The following ZCCHC4 variants were observed in gnomAD, a reference collection of about 807,000 sequenced individuals.
The protein encoded by ZCCHC4 is rRNA N(6)-adenosine-methyltransferase ZCCHC4.
A neutral mutation model predicts 67.7 loss-of-function variants in ZCCHC4; 54 were observed. That is an observed-to-expected ratio of 0.80 (90% CI 0.64 to 1.00). The LOEUF (loss-of-function observed/expected upper bound fraction) is 1.00, where lower values mean the gene tolerates loss of function less well. ZCCHC4 is among the 50% of genes least tolerant of loss of function. The pLI, the probability that ZCCHC4 is intolerant of heterozygous loss-of-function variation, is 0.00. For synonymous variants in ZCCHC4, 198 were observed against 213.5 expected (o/e 0.93, Z 0.63); for missense variants, 609 against 617.0 (o/e 0.99, Z 0.14).
chr4:25,329,348 G>A (rs1007278779), intron 3 of ZCCHC4, among the ~76,000 whole-genome samples: 1 of 151,638 alleles, frequency 6.6e-6, no homozygotes, highest in Non-Finnish European at 1.5e-5. Context: ...TTATTTTGAG[G>A]GCTTCATTTC....
chr4:25,326,161 G>A (rs1320191525), intron 3 of ZCCHC4, among the ~76,000 whole-genome samples: 1 of 152,234 alleles, frequency 6.6e-6, no homozygotes, highest in Admixed American at 6.5e-5. Context: ...TCTGAGAAGA[G>A]AATTTGTTTC....
chr4:25,360,055 A>G (rs777980511), intron 8 of ZCCHC4, among the ~76,000 whole-genome samples: 4 of 152,220 alleles, frequency 2.6e-5, no homozygotes, highest in Non-Finnish European at 5.9e-5. Context: ...ATCACTATAT[A>G]GTGGACTTGG....
Position 25,333,354 on chromosome 4 carries a change from G to C in ZCCHC4, c.501G>C (p.Lys167Asn). The change falls in exon 4 of 13, where the codon AAG becomes AAC. Residue 167 changes from lysine to asparagine, a missense_variant. Physicochemically the swap from Lys to Asn is moderately conservative, Grantham distance 94. Transcript: ENST00000302874. ...AACTCCTTTATCCACTGGAAAACAAGAAGACAAATGCCCAGTATCTGTTTG... is the reference window on the plus strand; with the variant it reads ...AACTCCTTTATCCACTGGAAAACAACAAGACAAATGCCCAGTATCTGTTTG... The part of the protein sequence containing the change: ...PSQLLYPLEN[K>N]KTNAQYLFAD... The C allele has an allele frequency of 6.2e-7, 1 of 1,614,124 alleles. No individual in the cohort carries two copies. The highest frequency in any genetic ancestry group is 8.5e-7 in the Non-Finnish European group (1 of 1,180,016).
intron 5 of ZCCHC4, among the ~76,000 whole-genome samples, chr4:25,344,356 G>T (rs372805778): frequency 6.7e-6 from 1 of 149,990 alleles, no homozygotes; most frequent in East Asian, 2.0e-4. Context: ...GTAAACTATC[G>T]CAAGGACAAA....
rs373917946 is a variant in ZCCHC4, at chr4:25,349,585, C to G, written c.853C>G (p.Pro285Ala). 4.5e-5 allele frequency: 72 copies of G among 1,613,860 alleles called. No homozygotes were observed. The highest frequency in any genetic ancestry group is 5.9e-5 in the Non-Finnish European group (70 of 1,179,916). ...TCCTCCGTTTGGTGGCTTGGTTGAA[C>G]CTCTGGCTATTACATTCAAGAAGTT... ...TDPPFGGLVE[P>A]LAITFKKLIA... Residue 285 changes from proline to alanine, a missense_variant, in exon 7 of 13, where the codon CCT becomes GCT. By Grantham distance (27) the Pro-to-Ala change is conservative. Transcript: ENST00000302874.
chr4:25,361,835 C>T, intron 8 of ZCCHC4, 24 bp from the exon 9 acceptor site: 3 of 1,577,414 alleles, frequency 1.9e-6, no homozygotes, highest in Non-Finnish European at 2.6e-6. Context: ...AATTTTCTTT[C>T]TGCTCTAATT....
intron 5 of ZCCHC4, among the ~76,000 whole-genome samples, chr4:25,338,201 C>T (rs1719558632): frequency 6.6e-6 from 1 of 152,204 alleles, no homozygotes; most frequent in South Asian, 2.1e-4. Context: ...AAGCGATCCT[C>T]CTACCTCAGT....
chr4:25,349,756 C>T lies in ZCCHC4; in HGVS notation c.910+114C>T, dbSNP rs542676709. 2.8e-4 allele frequency: 309 copies of T among 1,121,258 alleles called. No individual in the cohort carries two copies. In the African/African-American group the frequency reaches 4.6e-3, roughly 17 times the overall value. The allele number at this position is 1,121,258 out of a possible 1,614,324, so 69.5% of individuals were successfully genotyped here. A position where few individuals can be genotyped will look rare whatever the true frequency, so the allele number is the denominator to read the frequency against. ...ATAGAATATACATGTCTTGAGTTCT[C>T]TTTTTAAAAACAGGCTTATTTGATG... On this transcript the variant is annotated intron_variant, in intron 7 of 12. Coordinates refer to ENST00000302874, the MANE Select transcript of ZCCHC4 (RefSeq NM_024936.3).
At chr4:25,324,527 AT>A (rs1180644739) in intron 3 of ZCCHC4, among the ~76,000 whole-genome samples, 1 of 152,180 alleles carries the variant, frequency 6.6e-6, no homozygotes, top group Non-Finnish European at 1.5e-5. Context: ...ATTTATGTAT[AT>A]GTCCTTGTAT....
At chr4:25,324,014 G>GTTTTTTTTTGTTTTTTTTTTTT (rs1718724715) in intron 3 of ZCCHC4, among the ~76,000 whole-genome samples, 1 of 82,448 alleles carries the variant, frequency 1.2e-5, no homozygotes, top group African/African-American at 5.2e-5. Flanking sequence ...TGTTTTTTGT[G>GTTTTTTTTTGTTTTTTTTTTTT]TTTTTTTTTT....
rs3752871 is a variant in ZCCHC4 at position 25,362,317 on chromosome 4, A to G, written c.1209+16A>G. 2.5e-4 allele frequency: 374 copies of G among 1,519,044 alleles called. 7 individuals are homozygous for G. The East Asian group carries it at 8.3e-3, about 34-fold the overall frequency. The allele number at this position is 1,519,044 out of a possible 1,614,324, so 94.1% of individuals were successfully genotyped here. ...CACATCCAAGGTATGGTGTTCTTAT[A>G]GAATGTATTTTTATTTAGATATATT... On this transcript the variant is annotated intron_variant, in intron 10 of 12. Transcript: ENST00000302874.
chr4:25,318,418 G>A (rs1410745969), intron 3 of ZCCHC4, among the ~76,000 whole-genome samples: 4 of 133,812 alleles, frequency 3.0e-5, no homozygotes, highest in South Asian at 5.1e-4. Flanking sequence ...GGGCAGTGGC[G>A]CGATCTCATC....
chr4:25,317,808 G>C (rs1050797577), intron 3 of ZCCHC4, among the ~76,000 whole-genome samples: 1 of 151,840 alleles, frequency 6.6e-6, no homozygotes, highest in Non-Finnish European at 1.5e-5. Flanking sequence ...GTCCTGCAGA[G>C]GTGGTTTACT....
intron 6 of ZCCHC4, among the ~76,000 whole-genome samples, chr4:25,346,965 A>T (rs541531316): frequency 6.6e-6 from 1 of 152,322 alleles, no homozygotes; most frequent in African/African-American, 2.4e-5. Flanking sequence ...GAGAAGTCCA[A>T]GCTGACTTGG....
Position 25,369,354 on chromosome 4 carries a change from C to G in ZCCHC4, c.*190C>G. ...TCTCTGGAGACATGGGGAGTTGTTC[C>G]ATCTTCAGCCAGTTTACTAGTTCTT... On this transcript the variant is annotated 3_prime_UTR_variant, in exon 13 of 13. Coordinates refer to ENST00000302874, the MANE Select transcript of ZCCHC4 (RefSeq NM_024936.3). 1 of 621,910 alleles carries G rather than the reference C, an allele frequency of 1.6e-6. No individual in the cohort carries two copies. The highest frequency in any genetic ancestry group is 2.7e-6 in the Non-Finnish European group (1 of 375,474). 38.5% of individuals were successfully genotyped at this position (621,910 alleles called of 1,614,324 possible).
chr4:25,368,058 T>A (rs1721015478), intron 12 of ZCCHC4, among the ~76,000 whole-genome samples: 1 of 152,184 alleles, frequency 6.6e-6, no homozygotes, highest in Non-Finnish European at 1.5e-5. Flanking sequence ...TCTCAACAGG[T>A]AACATATGCT....
intron 3 of ZCCHC4, among the ~76,000 whole-genome samples, chr4:25,327,280 A>G (rs887882928): frequency 1.3e-5 from 2 of 152,202 alleles, no homozygotes; most frequent in African/African-American, 4.8e-5. Flanking sequence ...GGGGAAATGC[A>G]TTCAGTCTTT....
chr4:25,315,518 AAT>A (rs1718212793), intron 3 of ZCCHC4, 118 bp downstream of exon 3: 1 of 690,522 alleles, frequency 1.4e-6, no homozygotes, highest in Non-Finnish European at 2.2e-6. Context: ...TTACATATAT[AAT>A]ATAAAATTTG....
At chr4:25,317,919 G>C (rs181522551) in intron 3 of ZCCHC4, among the ~76,000 whole-genome samples, 79 of 152,146 alleles carry the variant, frequency 5.2e-4, no homozygotes, top group Admixed American at 2.6e-3. Context: ...CTAAAAGATT[G>C]TTTTTAAATG....
Sources: allele counts gnomAD v4.1 joint callset (sites outside exome capture counted in the v4.1 genomes callset), GRCh38; gene constraint gnomAD v4.1.1; transcripts MANE v1.5; gene names NCBI Gene and HGNC (gene_info 2026-07-23, HGNC 2026-07-21).